The following NSG1 variants were observed in gnomAD, a reference collection of about 807,000 sequenced individuals.
NSG1 encodes the protein neuronal vesicle trafficking associated 1.
Under a neutral mutation model 19.3 loss-of-function variants are expected in NSG1, and 9 were observed. The ratio of observed to expected loss-of-function variants is 0.47; its 90% CI spans 0.28 to 0.81. The LOEUF (loss-of-function observed/expected upper bound fraction) is 0.81. Among genes scored for constraint, NSG1 ranks in the 40% least tolerant of loss-of-function variants. The pLI is 0.11. For synonymous variants in NSG1, 104 were observed against 107.0 expected, an observed-to-expected ratio of 0.97 and a Z score of 0.17; for missense variants, 236 against 242.4, an observed-to-expected ratio of 0.97 and a Z score of 0.18.
Position 4,412,628 on chromosome 4 carries a change from C to T in NSG1, c.357+2945C>T, listed in dbSNP as rs758509581. 1.9e-4 allele frequency among the ~76,000 whole-genome samples: 29 copies of T among 152,170 alleles called. 1 individual carries two copies. Among genetic ancestry groups the T allele is most frequent in the Non-Finnish European group, 2.4e-4 (16 of 68,010 alleles). ...TTGACCTCCTCCCTCCATATTTGTG[C>T]GTGTGTTTGTCACACACCAACGCTA... On this transcript the variant is annotated intron_variant, in intron 4 of 4. Transcript: ENST00000621129.
intron 3 of NSG1, among the ~76,000 whole-genome samples, chr4:4,396,849 C>T (rs1198326663): frequency 3.3e-5 from 5 of 151,080 alleles, no homozygotes; most frequent in African/African-American, 1.2e-4. Flanking sequence ...TGGCATTCAG[C>T]AGTGGGGGTG....
chr4:4,416,351 A>C (rs2108758315), intron 4 of NSG1, among the ~76,000 whole-genome samples: 1 of 152,306 alleles, frequency 6.6e-6, no homozygotes, highest in South Asian at 2.1e-4. Flanking sequence ...CTCTTTGTTC[A>C]CAAGGGCCTT....
intron 4 of NSG1, chr4:4,416,098 G>A (rs1454880759): frequency 1.4e-6 from 1 of 702,388 alleles, no homozygotes; most frequent in South Asian, 1.5e-5. Flanking sequence ...GAGCCACTGT[G>A]CATTGACTTG....
At chr4:4,395,171 C>T (rs1045667551) in intron 3 of NSG1, among the ~76,000 whole-genome samples, 10 of 152,196 alleles carry the variant, frequency 6.6e-5, no homozygotes, top group African/African-American at 2.4e-4. Flanking sequence ...TGCCCACTTG[C>T]TGTGGGGTGG....
rs539601246 is a variant in NSG1 at position 4,396,333 on chromosome 4, G to A, written c.246+4742G>A. Among the ~76,000 whole-genome samples the A allele has an allele frequency of 1.1e-3, 175 of 152,238 alleles. 1 individual carries two copies. The highest frequency in any genetic ancestry group is 3.4e-3 in the Middle Eastern group (1 of 294). The stretch of plus-strand genomic sequence containing the variant: ...CCCTCAGGGCCCGCTCCAGCCCTTC[G>A]TGCTTCGTGATTCCGGTGATGACCG... On this transcript the variant is annotated intron_variant, in intron 3 of 4. Transcript: ENST00000621129.
chr4:4,391,048 ACCT>A (rs761521343), intron 2 of NSG1, among the ~76,000 whole-genome samples: 3 of 150,900 alleles, frequency 2.0e-5, no homozygotes, highest in Non-Finnish European at 4.4e-5. Flanking sequence ...GTACCCTCAG[ACCT>A]CCTCTTCTTG....
intron 1 of NSG1, 150 bp downstream of exon 1, chr4:4,387,323 G>C (rs1722770148): frequency 3.0e-6 from 1 of 331,006 alleles, no homozygotes; most frequent in African/African-American, 2.2e-5. Flanking sequence ...ACCGGGGACC[G>C]GGTCTGGAGG....
chr4:4,411,774 A>AC (rs879307843), intron 4 of NSG1, among the ~76,000 whole-genome samples: 16,383 of 144,884 alleles, frequency 0.11, 2,078 homozygotes, highest in African/African-American at 0.35. Flanking sequence ...AAAACAAAAC[A>AC]AAACAAAACA....
chr4:4,399,689 A>G lies in NSG1; in HGVS notation c.246+8098A>G, dbSNP rs192923275. On this transcript the variant is annotated intron_variant, in intron 3 of 4. Transcript: ENST00000621129. ...ATTTTTGGTGTCATAGCTATCTAAG[A>G]TAGCGGTCCCCAACCTTTTTGGCAC... 2.0e-3 allele frequency among the ~76,000 whole-genome samples: 312 copies of G among 152,274 alleles called. 1 individual carries two copies. The highest frequency in any genetic ancestry group is 2.7e-3 in the Non-Finnish European group (183 of 68,020).
intron 3 of NSG1, among the ~76,000 whole-genome samples, chr4:4,394,137 T>C (rs1365780930): frequency 2.0e-5 from 3 of 152,218 alleles, no homozygotes; most frequent in Non-Finnish European, 4.4e-5. Flanking sequence ...GGCAGCCTGC[T>C]CTTGGCTGTG....
intron 3 of NSG1, 152 bp from the exon 4 acceptor site, chr4:4,409,421 C>T: frequency 1.6e-6 from 1 of 629,574 alleles, no homozygotes; most frequent in Non-Finnish European, 2.9e-6. Context: ...AACAGTGATG[C>T]TTCTAACCTC....
At chr4:4,386,794 C>T (rs1722735687), upstream of NSG1, 1 of 152,868 alleles carries the variant, frequency 6.5e-6, no homozygotes, top group African/African-American at 2.4e-5. Flanking sequence ...CCGCAGCCCT[C>T]CCGCTCCGGG....
At chr4:4,402,891 C>T (rs140160105) in intron 3 of NSG1, among the ~76,000 whole-genome samples, 1 of 152,236 alleles carries the variant, frequency 6.6e-6, no homozygotes, top group East Asian at 1.9e-4. Flanking sequence ...TATCAACCCA[C>T]GGGGCGTGGA....
intron 2 of NSG1, among the ~76,000 whole-genome samples, chr4:4,388,611 C>T (rs1216705995): frequency 6.6e-6 from 1 of 152,224 alleles, no homozygotes; most frequent in Non-Finnish European, 1.5e-5. Context: ...GCTTACGAAC[C>T]ACCACAGCCA....
chr4:4,396,598 C>T (rs62287943), intron 3 of NSG1, among the ~76,000 whole-genome samples: 1 of 152,180 alleles, frequency 6.6e-6, no homozygotes, highest in Non-Finnish European at 1.5e-5. Context: ...CTGGTGGGGA[C>T]GTCCCTCTGC....
At chr4:4,416,588 T>G (rs535497924) in intron 4 of NSG1, among the ~76,000 whole-genome samples, 1 of 152,294 alleles carries the variant, frequency 6.6e-6, no homozygotes, top group South Asian at 2.1e-4. Context: ...CTGCAGGGAA[T>G]GGGGGTGTGG....
intron 4 of NSG1, among the ~76,000 whole-genome samples, chr4:4,410,274 TCC>T (rs1724103736): frequency 6.6e-6 from 1 of 152,054 alleles, no homozygotes; most frequent in Admixed American, 6.5e-5. Context: ...TAATGCTCAT[TCC>T]CAAAAGCCCA....
At position 4,417,286 on chromosome 4, in the gene NSG1, T is replaced by G; in HGVS notation, c.409T>G (p.Ser137Ala). The G allele has an allele frequency of 6.2e-7, 1 of 1,614,144 alleles. No individual in the cohort carries two copies. The highest frequency in any genetic ancestry group is 2.2e-5 in the East Asian group (1 of 44,874). Residue 137 changes from serine (S) to alanine (A), a missense_variant, in exon 5 of 5, where the codon TCC becomes GCC. Physicochemically the swap from Ser to Ala is moderately conservative, Grantham distance 99 (BLOSUM62 1). Coordinates refer to ENST00000621129, the MANE Select transcript of NSG1 (RefSeq NM_014392.5). Reference sequence around the variant, plus strand: ...GGAGAGCTACTACGCGGAGCAAGACTCCAGTGCCCGGGAGAAATTTTACAC... The same window carrying G: ...GGAGAGCTACTACGCGGAGCAAGACGCCAGTGCCCGGGAGAAATTTTACAC... ...GLESYYAEQDSSAREKFYTVI... is the reference protein window; with the variant it reads ...GLESYYAEQDASAREKFYTVI...
chr4:4,402,768 C>G (rs1236868873), intron 3 of NSG1, among the ~76,000 whole-genome samples: 4 of 152,206 alleles, frequency 2.6e-5, no homozygotes, highest in African/African-American at 9.7e-5. Flanking sequence ...GTGGGCCCCG[C>G]ACTTCCTGTG....
Sources: allele counts gnomAD v4.1 joint callset (sites outside exome capture counted in the v4.1 genomes callset), GRCh38; gene constraint gnomAD v4.1.1; transcripts MANE v1.5; gene names NCBI Gene and HGNC (gene_info 2026-07-23, HGNC 2026-07-21).